Variants in OSBPL10 observed in about 807,000 individuals in gnomAD.
OSBPL10 encodes the protein oxysterol-binding protein-related protein 10.
A neutral mutation model predicts 81.7 loss-of-function variants in OSBPL10; 49 were observed. The ratio of observed to expected loss-of-function variants is 0.60; its 90% CI spans 0.48 to 0.76. The LOEUF is 0.76. Ranked by LOEUF, OSBPL10 falls within the 30% of genes least tolerant of loss-of-function variation. The pLI, the probability that OSBPL10 is intolerant of heterozygous loss-of-function variation, is 0.00. For missense variants in OSBPL10, 923 were observed against 987.8 expected (o/e 0.93, Z 0.88); for synonymous variants, 419 against 383.6 (o/e 1.09, Z -1.08).
intron 3 of OSBPL10, among the ~76,000 whole-genome samples, chr3:31,866,633 T>A (rs1480187484): frequency 6.6e-6 from 1 of 150,430 alleles, no homozygotes; most frequent in East Asian, 2.0e-4. Context: ...GGGAGGAGAG[T>A]TAGGGTATAT....
intron 4 of OSBPL10, among the ~76,000 whole-genome samples, chr3:31,748,402 T>C (rs1697603748): frequency 1.3e-5 from 2 of 152,216 alleles, no homozygotes; most frequent in East Asian, 1.9e-4. Flanking sequence ...TGGAGGTAAG[T>C]CAATAATAAA....
chr3:31,996,015 CA>C (rs1050834720), intron 2 of OSBPL10, among the ~76,000 whole-genome samples: 1 of 151,894 alleles, frequency 6.6e-6, no homozygotes, highest in Non-Finnish European at 1.5e-5. Context: ...AAATGAAACT[CA>C]AAAAAAGGAG....
rs755041642 is a variant in OSBPL10 at position 31,674,694 on chromosome 3, T to C, written c.1727-3711A>G. Among the ~76,000 whole-genome samples the C allele has an allele frequency of 3.3e-5, 5 of 152,308 alleles. No individual in the cohort carries two copies. In the South Asian group the frequency reaches 8.3e-4, roughly 25 times the overall value. On this transcript the variant is annotated intron_variant, in intron 8 of 11. Transcript: ENST00000396556. ...TGCCATGTGACCCCCACACAGGGGT[T>C]CCCCTTCCTCTTCCACCACGAGTGG...
rs765928830 is a variant in OSBPL10, at chr3:31,670,949, G to A, written c.1761C>T (p.Tyr587=). ...VLRLLEHGEE[Y]VFTLPSAYAR... ...CGTAGGCACTAGGCAGGGTGAATAC[G>A]TACTCCTCCCCGTGTTCCAGGAGCC... Residue 587 remains tyrosine (Y), a synonymous_variant, in exon 9 of 12, where the codon TAC becomes TAT. Coordinates refer to ENST00000396556, the MANE Select transcript of OSBPL10 (RefSeq NM_017784.5). 1.9e-5 allele frequency: 31 copies of A among 1,613,556 alleles called. No homozygotes were observed. Among genetic ancestry groups the A allele is most frequent in the South Asian group, 7.7e-5 (7 of 91,008 alleles).
At chr3:31,669,176 T>A (rs1268297331) in intron 9 of OSBPL10, among the ~76,000 whole-genome samples, 1 of 152,024 alleles carries the variant, frequency 6.6e-6, no homozygotes, top group Non-Finnish European at 1.5e-5. Flanking sequence ...ACTACAAATA[T>A]GGGGCAGTAC....
intron 1 of OSBPL10, among the ~76,000 whole-genome samples, chr3:31,917,195 C>T (rs1185584050): frequency 6.6e-6 from 1 of 152,166 alleles, no homozygotes; most frequent in African/African-American, 2.4e-5. Flanking sequence ...AGAAATTACA[C>T]GACAGTTACA....
chr3:31,926,289 G>GCGCCCCC (rs1553641093), intron 1 of OSBPL10, among the ~76,000 whole-genome samples: 4 of 130,114 alleles, frequency 3.1e-5, no homozygotes, highest in Admixed American at 2.4e-4. Context: ...GGGTGATTTT[G>GCGCCCCC]CCCCCCCAGA....
At chr3:31,905,367 T>TTTTTTTTTTTTTTTTTTTTC in intron 1 of OSBPL10, among the ~76,000 whole-genome samples, 1 of 148,938 alleles carries the variant, frequency 6.7e-6, no homozygotes, top group African/African-American at 2.5e-5. Flanking sequence ...TTTTTTTTTT[T>TTTTTTTTTTTTTTTTTTTTC]TAGACGGACT....
intron 4 of OSBPL10, among the ~76,000 whole-genome samples, chr3:31,751,577 T>C (rs1335482451): frequency 6.6e-6 from 1 of 152,124 alleles, no homozygotes; most frequent in Non-Finnish European, 1.5e-5. Context: ...CACAGTCCTG[T>C]ACAACAAAGA....
chr3:31,831,264 G>A (rs1700233012), intron 3 of OSBPL10, among the ~76,000 whole-genome samples: 1 of 152,072 alleles, frequency 6.6e-6, no homozygotes, highest in Admixed American at 6.5e-5. Context: ...AAATTAGCCA[G>A]GCATGGTGGC....
At chr3:31,706,072 T>G (rs1309652494) in intron 6 of OSBPL10, among the ~76,000 whole-genome samples, 3 of 152,150 alleles carry the variant, frequency 2.0e-5, no homozygotes, top group South Asian at 4.1e-4. Context: ...AAACAGAAAT[T>G]ACGACAATAT....
intron 4 of OSBPL10, among the ~76,000 whole-genome samples, chr3:31,766,215 G>T (rs1321279609): frequency 1.3e-5 from 2 of 152,042 alleles, no homozygotes; most frequent in South Asian, 2.1e-4. Context: ...TGACACTGGA[G>T]ATGTGGAAAA....
At chr3:32,022,843 A>G (rs572842385) in intron 2 of OSBPL10, among the ~76,000 whole-genome samples, 5 of 152,272 alleles carry the variant, frequency 3.3e-5, no homozygotes, top group African/African-American at 1.2e-4. Context: ...GGATCAGCAG[A>G]AAAGAACGTT....
At chr3:31,950,211 T>C (rs1262043071) in intron 1 of OSBPL10, among the ~76,000 whole-genome samples, 1 of 152,090 alleles carries the variant, frequency 6.6e-6, no homozygotes. Flanking sequence ...ATTTGCAACA[T>C]AGATCCAACA....
chr3:31,942,955 C>T (rs1697579985), intron 1 of OSBPL10, among the ~76,000 whole-genome samples: 1 of 152,090 alleles, frequency 6.6e-6, no homozygotes, highest in East Asian at 1.9e-4. Flanking sequence ...ATTTCCAAAC[C>T]TTTTTCATCA....
intron 1 of OSBPL10, among the ~76,000 whole-genome samples, chr3:31,914,331 C>G: frequency 6.6e-6 from 1 of 152,172 alleles, no homozygotes; most frequent in Non-Finnish European, 1.5e-5. Context: ...CTATCGCCAA[C>G]TAAGTTTGGG....
At chr3:31,812,822 A>AAGAAAGAAAGAAAGAAAGAAAGAAAG (rs1699742068) in intron 4 of OSBPL10, among the ~76,000 whole-genome samples, 3 of 119,738 alleles carry the variant, frequency 2.5e-5, no homozygotes, top group African/African-American at 3.1e-5. Context: ...AAGAAAGAGA[A>AAGAAAGAAAGAAAGAAAGAAAGAAAG]AGAAAGAAAG....
At chr3:31,895,134 C>CTTTT (rs10529845) in intron 1 of OSBPL10, among the ~76,000 whole-genome samples, 13 of 124,892 alleles carry the variant, frequency 1.0e-4, no homozygotes, top group African/African-American at 3.2e-4. Flanking sequence ...TCTCTGCGGC[C>CTTTT]TTTTTTTTTT....
chr3:31,835,550 G>T (rs990902507), intron 3 of OSBPL10, among the ~76,000 whole-genome samples: 2 of 152,014 alleles, frequency 1.3e-5, no homozygotes, highest in African/African-American at 4.8e-5. Flanking sequence ...TCCACTAATT[G>T]TAACAACATT....
Sources: allele counts gnomAD v4.1 joint callset (sites outside exome capture counted in the v4.1 genomes callset), GRCh38; gene constraint gnomAD v4.1.1; transcripts MANE v1.5; gene names NCBI Gene and HGNC (gene_info 2026-07-23, HGNC 2026-07-21).